Variants in VPS13A observed in about 807,000 individuals in gnomAD.
VPS13A encodes vacuolar protein sorting 13 homolog A.
A neutral mutation model predicts 390.9 loss-of-function variants in VPS13A; 264 were observed. The ratio of observed to expected loss-of-function variants is 0.68; its 90% CI spans 0.61 to 0.75. The LOEUF (loss-of-function observed/expected upper bound fraction) is 0.75. VPS13A is among the 30% of genes least tolerant of loss of function. The probability of loss-of-function intolerance (pLI) is 0.00; values close to 1 mark genes in which losing one functional copy is unlikely to be tolerated. For synonymous variants in VPS13A, 1,231 were observed against 1,227.1 expected, an observed-to-expected ratio of 1.00 and a Z score of -0.07; for missense variants, 3,409 against 3,733.9, an observed-to-expected ratio of 0.91 and a Z score of 2.27.
intron 3 of VPS13A, 133 bp downstream of exon 3, chr9:77,201,540 A>G (rs1259071841): frequency 1.2e-6 from 1 of 868,482 alleles, no homozygotes; most frequent in Admixed American, 1.8e-5. Context: ...TTTTTGTCTC[A>G]GTAGAGCTTT....
intron 54 of VPS13A, among the ~76,000 whole-genome samples, chr9:77,353,873 T>C (rs1831613507): frequency 6.6e-6 from 1 of 152,094 alleles, no homozygotes; most frequent in Non-Finnish European, 1.5e-5. Context: ...TCCACTTATC[T>C]AAAAAGTTAT....
At chr9:77,371,906 G>C (rs1288475403) in intron 67 of VPS13A, among the ~76,000 whole-genome samples, 1 of 139,910 alleles carries the variant, frequency 7.1e-6, no homozygotes. Context: ...GCGGTGTTTG[G>C]TTTTTTGTTC....
chr9:77,315,867 G>T (rs1170998827), intron 38 of VPS13A, among the ~76,000 whole-genome samples: 1 of 151,842 alleles, frequency 6.6e-6, no homozygotes, highest in Non-Finnish European at 1.5e-5. Flanking sequence ...TTAACGTACG[G>T]TTTCTCTATT....
Position 77,281,916 on chromosome 9 carries a change from A to C in VPS13A, c.2954A>C (p.Gln985Pro). The change falls in exon 28 of 72, where the codon CAA (glutamine) becomes CCA (proline). Residue 985 changes from glutamine (Q) to proline (P), a missense_variant. This residue lies in a region of VPS13A where 2,717 missense variants were observed against 2,917.4 expected (regional missense o/e 0.93). Coordinates refer to ENST00000360280, the MANE Select transcript of VPS13A (RefSeq NM_033305.3). Reference sequence around the variant, plus strand: ...AAAAGTACCTATAACAATGTTTTACAATTGATTAAGGTATGAGTAGATAAT... The same window carrying C: ...AAAAGTACCTATAACAATGTTTTACCATTGATTAAGGTATGAGTAGATAAT... Reference protein sequence around the residue: ...DLKSTYNNVLQLIKVNFSSLD... With the variant: ...DLKSTYNNVLPLIKVNFSSLD... The C allele has an allele frequency of 1.3e-6, 2 of 1,585,564 alleles. No homozygotes were observed. The highest frequency in any genetic ancestry group is 1.7e-5 in the Admixed American group (1 of 59,854).
chr9:77,261,669 C>T (rs1156734690), intron 23 of VPS13A, among the ~76,000 whole-genome samples: 1 of 151,972 alleles, frequency 6.6e-6, no homozygotes, highest in East Asian at 1.9e-4. Context: ...ACTGCAACCT[C>T]CGTCTCCCAG....
At chr9:77,214,191 G>C (rs140670502) in intron 9 of VPS13A, 138 bp from the exon 10 acceptor site, 5 of 702,846 alleles carry the variant, frequency 7.1e-6, no homozygotes, top group African/African-American at 5.3e-5. Context: ...CAGGAGAATC[G>C]CATGAGTCCA....
intron 12 of VPS13A, among the ~76,000 whole-genome samples, 163 bp downstream of exon 12, chr9:77,220,546 A>T (rs1823150758): frequency 6.6e-6 from 1 of 152,112 alleles, no homozygotes; most frequent in Non-Finnish European, 1.5e-5. Context: ...TAGCTTATTG[A>T]GTTAATGAAA....
chr9:77,418,446 T>C lies in VPS13A; in HGVS notation c.*2440T>C, dbSNP rs996847785. The C allele has an allele frequency of 6.6e-6, 1 of 152,220 alleles. No individual in the cohort carries two copies. Among genetic ancestry groups the C allele is most frequent in the Non-Finnish European group, 1.5e-5 (1 of 68,040 alleles). 9.4% of individuals were successfully genotyped at this position (152,220 alleles called of 1,614,324 possible). A position where few individuals can be genotyped will look rare whatever the true frequency, so the allele number is the denominator to read the frequency against. On this transcript the variant is annotated 3_prime_UTR_variant, in exon 72 of 72. Coordinates refer to ENST00000360280, the MANE Select transcript of VPS13A (RefSeq NM_033305.3). ...AAAGAGTGACTTTGATTTCTGGTACTTGTGATCAAAAGCAGCTTGTGATTT... is the reference window on the plus strand; with the variant it reads ...AAAGAGTGACTTTGATTTCTGGTACCTGTGATCAAAAGCAGCTTGTGATTT...
intron 41 of VPS13A, 130 bp downstream of exon 41, chr9:77,318,721 C>A: frequency 1.0e-6 from 1 of 975,126 alleles, no homozygotes; most frequent in Non-Finnish European, 1.5e-6. Context: ...GATATTGGGT[C>A]AAAAACTTTT....
At position 77,337,297 on chromosome 9, in the gene VPS13A, G is replaced by A. The variant is rs112684300; in HGVS notation, c.6138G>A (p.Met2046Ile). ...AGCCAGAAGATGAGAACTATCAAAT[G>A]TGTGAAGGAATTGACTTTGAAGAGA... The part of the protein sequence containing the change: ...FLKPEDENYQ[M>I]CEGIDFEEII... Residue 2046 changes from methionine to isoleucine, a missense_variant, in exon 47 of 72, where the codon ATG becomes ATA. This residue lies in a region of VPS13A where 2,717 missense variants were observed against 2,917.4 expected (regional missense o/e 0.93). Coordinates refer to ENST00000360280, the MANE Select transcript of VPS13A (RefSeq NM_033305.3). The A allele has an allele frequency of 8.1e-6, 13 of 1,612,938 alleles. No individual in the cohort carries two copies. Among genetic ancestry groups the A allele is most frequent in the African/African-American group, 5.3e-5 (4 of 74,986 alleles).
At position 77,370,564 on chromosome 9, in the gene VPS13A, A is replaced by C. The variant is rs764978434; in HGVS notation, c.8893A>C (p.Lys2965Gln). 1 of 1,614,148 alleles carries C rather than the reference A, an allele frequency of 6.2e-7. No individual in the cohort carries two copies. The highest frequency in any genetic ancestry group is 8.5e-7 in the Non-Finnish European group (1 of 1,180,012). ...TAGAGAAGGCATCACTCGTGGAGGA[A>C]AAGGCTTAGTTTCTGTAAGAAATTT... is the stretch of plus-strand genomic sequence containing the variant. The part of the protein sequence containing the change: ...GFREGITRGG[K>Q]GLVSGFVSGI... Residue 2965 changes from lysine to glutamine, a missense_variant, in exon 65 of 72, where the codon AAA becomes CAA. By Grantham distance (53) the Lys-to-Gln change is moderately conservative (BLOSUM62 1). Around this residue, in one of 5 missense-constraint regions of VPS13A, gnomAD observed 318 missense variants for 333.7 expected, o/e 0.95. Coordinates refer to ENST00000360280, the MANE Select transcript of VPS13A (RefSeq NM_033305.3).
rs1834432021 is a variant in VPS13A, at chr9:77,402,430, C to T, written c.9190-806C>T. ...TTTTGGATTTCTTTATGATTTTTCA[C>T]ATTTGGCTAAATTCATAACATGCCT... On this transcript the variant is annotated intron_variant, in intron 68 of 71. Transcript: ENST00000360280. Among the ~76,000 whole-genome samples the T allele has an allele frequency of 2.6e-5, 4 of 152,240 alleles. No individual in the cohort carries two copies. The South Asian group carries it at 8.3e-4, about 32-fold the overall frequency.
intron 33 of VPS13A, among the ~76,000 whole-genome samples, chr9:77,301,739 T>C (rs1210295750): frequency 6.6e-6 from 1 of 152,172 alleles, no homozygotes; most frequent in Non-Finnish European, 1.5e-5. Context: ...TGAGCATCAG[T>C]CTTACCTTTA....
Position 77,369,289 on chromosome 9 carries a change from T to C in VPS13A, c.8554-10T>C. ...ATCTGAATTGATTAATGTTCATATT[T>C]TATTTTTAGGCCATTAAGCAGATGT... On this transcript the variant is annotated splice_polypyrimidine_tract_variant and intron_variant, in intron 62 of 71. Transcript: ENST00000360280. 6.4e-7 allele frequency: 1 copy of C among 1,570,984 alleles called. No homozygotes were observed. The highest frequency in any genetic ancestry group is 1.1e-5 in the South Asian group (1 of 90,040).
At chr9:77,252,529 T>C (rs1825202726) in intron 22 of VPS13A, among the ~76,000 whole-genome samples, 177 bp downstream of exon 22, 1 of 152,200 alleles carries the variant, frequency 6.6e-6, no homozygotes, top group Non-Finnish European at 1.5e-5. Flanking sequence ...TTTAAGAGTA[T>C]AGTTCATTGT....
Position 77,419,028 on chromosome 9 carries a change from C to T in VPS13A, c.*3022C>T, listed in dbSNP as rs1403747571. 1.3e-5 allele frequency: 2 copies of T among 152,144 alleles called. No homozygotes were observed. Among genetic ancestry groups the T allele is most frequent in the Admixed American group, 1.3e-4 (2 of 15,276 alleles). 9.4% of individuals were successfully genotyped at this position (152,144 alleles called of 1,614,324 possible). On this transcript the variant is annotated 3_prime_UTR_variant, in exon 72 of 72. Transcript: ENST00000360280. ...GGCCTCTGTATTAAAAAGATTGGGA[C>T]AAAATACTTGATTAGTTTGCCTGTA...
chr9:77,255,458 G>A lies in VPS13A; in HGVS notation c.2288+3106G>A, dbSNP rs78894155. On this transcript the variant is annotated intron_variant, in intron 22 of 71. Coordinates refer to ENST00000360280, the MANE Select transcript of VPS13A (RefSeq NM_033305.3). ...ATGGGCTATTGATTTAGGTTTGCTT[G>A]TGCTTTTGGGTTTTGCATTAATATT... Among the ~76,000 whole-genome samples the A allele has an allele frequency of 3.0e-4, 45 of 152,194 alleles. No homozygotes were observed. In the East Asian group the frequency reaches 7.7e-3, roughly 26 times the overall value.
chr9:77,396,971 C>A (rs1215918309), intron 68 of VPS13A, among the ~76,000 whole-genome samples: 1 of 152,130 alleles, frequency 6.6e-6, no homozygotes, highest in African/African-American at 2.4e-5. Context: ...TCATTTTTAT[C>A]TTTCATTTAG....
At chr9:77,267,322 A>T (rs7042207) in intron 23 of VPS13A, among the ~76,000 whole-genome samples, 82,160 of 151,916 alleles carry the variant, frequency 0.54, 22,495 homozygotes, top group East Asian at 0.68. Context: ...GAGTCTTTGA[A>T]GTTGGTGACC....
Sources: gnomAD v4.1 joint callset for allele counts (sites outside exome capture counted in the v4.1 genomes callset) on GRCh38, gnomAD v4.1.1 for gene constraint, gnomAD v4.1.1 regional missense constraint, MANE v1.5 for transcripts, NCBI Gene and HGNC (gene_info 2026-07-23, HGNC 2026-07-21) for gene names.